The following NR2C2 variants were observed in gnomAD, a reference collection of about 807,000 sequenced individuals.
NR2C2 encodes the protein Nuclear hormone receptor TR4.
In NR2C2, 6 loss-of-function variants were observed where a neutral mutation model predicts 62.9. That is an observed-to-expected ratio of 0.10 (90% CI 0.05 to 0.19). The LOEUF (loss-of-function observed/expected upper bound fraction) is 0.19. NR2C2 is among the 10% of genes least tolerant of loss of function. The probability of loss-of-function intolerance (pLI) is 1.00; values close to 1 mark genes in which losing one functional copy is unlikely to be tolerated. For missense variants in NR2C2, 479 were observed against 762.7 expected (o/e 0.63, Z 4.38); for synonymous variants, 272 against 273.8 (o/e 0.99, Z 0.07).
chr3:15,001,758 C>G (rs979149169), intron 1 of NR2C2, among the ~76,000 whole-genome samples: 12 of 152,148 alleles, frequency 7.9e-5, no homozygotes, highest in African/African-American at 2.9e-4. Context: ...CCGGGACTTA[C>G]AGGCACGTAC....
intron 3 of NR2C2, among the ~76,000 whole-genome samples, chr3:15,015,466 G>A (rs1332067038): frequency 6.6e-6 from 1 of 152,192 alleles, no homozygotes; most frequent in Non-Finnish European, 1.5e-5. Flanking sequence ...AATTAATAAA[G>A]TTTGGTTATT....
At chr3:14,999,951 G>A (rs73145284) in intron 1 of NR2C2, among the ~76,000 whole-genome samples, 2,064 of 152,028 alleles carry the variant, frequency 0.014, 49 homozygotes, top group African/African-American at 0.047. Context: ...GTTATGATCC[G>A]TGACTACAAT....
chr3:15,027,638 G>T (rs2041860925), intron 7 of NR2C2, among the ~76,000 whole-genome samples: 1 of 152,076 alleles, frequency 6.6e-6, no homozygotes, highest in Admixed American at 6.6e-5. Flanking sequence ...CACTCTGTCT[G>T]ATAGGCTGGA....
rs889625256 is a variant in NR2C2, at chr3:15,046,394, C to T, written c.*3386C>T. On this transcript the variant is annotated 3_prime_UTR_variant, in exon 14 of 14. Coordinates refer to ENST00000425241, the MANE Select transcript of NR2C2 (RefSeq NM_001291694.2). Reference sequence around the variant, plus strand: ...ATCTCAAGGCAATATCCACGCTACACACATACTTATTAGCTGTCTTACTTG... The same window carrying T: ...ATCTCAAGGCAATATCCACGCTACATACATACTTATTAGCTGTCTTACTTG... 4 of 152,246 alleles carry T rather than the reference C, an allele frequency of 2.6e-5. No homozygotes were observed. The highest frequency in any genetic ancestry group is 7.2e-5 in the African/African-American group (3 of 41,478). The allele number at this position is 152,246 out of a possible 1,614,324, so 9.4% of individuals were successfully genotyped here.
At chr3:15,041,814 A>G (rs6809913) in intron 13 of NR2C2, among the ~76,000 whole-genome samples, 55,078 of 152,000 alleles carry the variant, frequency 0.36, 10,581 homozygotes, top group African/African-American at 0.48. Context: ...CTGTGATCAC[A>G]TCACTCCACT....
At chr3:15,003,819 C>G (rs2041089190) in intron 1 of NR2C2, 57 bp from the exon 2 acceptor site, 3 of 1,170,486 alleles carry the variant, frequency 2.6e-6, no homozygotes, top group Non-Finnish European at 3.8e-6. Context: ...GGTCTTCAGG[C>G]CACCTCTGGG....
At chr3:14,966,139 A>G (rs549727265) in intron 1 of NR2C2, among the ~76,000 whole-genome samples, 2 of 152,370 alleles carry the variant, frequency 1.3e-5, no homozygotes, top group African/African-American at 2.4e-5. Context: ...GGAATAAAGT[A>G]TCCAAATTGA....
At chr3:15,032,605 G>A in intron 10 of NR2C2, 105 bp downstream of exon 10, 2 of 1,386,840 alleles carry the variant, frequency 1.4e-6, no homozygotes. Context: ...CTGTTTCTAT[G>A]ACCTCATTCA....
chr3:15,037,136 A>C (rs1235530093), intron 11 of NR2C2, among the ~76,000 whole-genome samples: 1 of 151,568 alleles, frequency 6.6e-6, no homozygotes, highest in Non-Finnish European at 1.5e-5. Context: ...ACCCCTTACA[A>C]CATTTTATTG....
At position 14,970,366 on chromosome 3, in the gene NR2C2, G is replaced by A. The variant is rs1386676095; in HGVS notation, c.-40+22460G>A. Among the ~76,000 whole-genome samples, 3 of 152,110 alleles carry A rather than the reference G, an allele frequency of 2.0e-5. No individual in the cohort carries two copies. The East Asian group carries it at 5.8e-4, about 29-fold the overall frequency. The stretch of plus-strand genomic sequence containing the variant: ...TTTACCATTTTAACTGTTTTAAAGT[G>A]TGGAGTTCTTTGGCATTAAGTACTG... On this transcript the variant is annotated intron_variant, in intron 1 of 13. Coordinates refer to ENST00000425241, the MANE Select transcript of NR2C2 (RefSeq NM_001291694.2).
At chr3:15,039,329 G>A (rs1225848569) in intron 13 of NR2C2, 102 bp downstream of exon 13, 3 of 733,844 alleles carry the variant, frequency 4.1e-6, no homozygotes, top group Non-Finnish European at 7.2e-6. Flanking sequence ...ATTTTTAGCA[G>A]CCTGATAGAG....
At chr3:15,033,594 A>G (rs966985508) in intron 10 of NR2C2, among the ~76,000 whole-genome samples, 1 of 148,582 alleles carries the variant, frequency 6.7e-6, no homozygotes, top group Admixed American at 6.7e-5. Context: ...CTTTGGGAGA[A>G]TGGCCTACCC....
intron 13 of NR2C2, among the ~76,000 whole-genome samples, chr3:15,041,475 C>A (rs769902649): frequency 3.3e-5 from 5 of 152,084 alleles, no homozygotes; most frequent in Non-Finnish European, 7.4e-5. Context: ...AATACATTTT[C>A]CCATTTTAAA....
At chr3:14,960,886 C>T (rs188568368) in intron 1 of NR2C2, among the ~76,000 whole-genome samples, 4 of 152,136 alleles carry the variant, frequency 2.6e-5, no homozygotes, top group Non-Finnish European at 4.4e-5. Context: ...CTTAAAGACG[C>T]CTTTTCCTTC....
At chr3:14,972,936 A>C (rs1309403751) in intron 1 of NR2C2, among the ~76,000 whole-genome samples, 1 of 151,820 alleles carries the variant, frequency 6.6e-6, no homozygotes, top group Non-Finnish European at 1.5e-5. Context: ...ATTCATGAGC[A>C]CTCCATCCCC....
chr3:15,001,007 G>C (rs143316989), intron 1 of NR2C2, among the ~76,000 whole-genome samples: 2 of 151,638 alleles, frequency 1.3e-5, no homozygotes, highest in African/African-American at 4.8e-5. Flanking sequence ...GTAGAGACAG[G>C]GTTTCACTGT....
chr3:14,982,911 T>G (rs887296306), intron 1 of NR2C2, among the ~76,000 whole-genome samples: 2 of 152,224 alleles, frequency 1.3e-5, no homozygotes, highest in Non-Finnish European at 2.9e-5. Flanking sequence ...GAATAAAAGT[T>G]GTTATATTCA....
intron 11 of NR2C2, among the ~76,000 whole-genome samples, chr3:15,035,130 A>G (rs568566798): frequency 7.9e-5 from 12 of 152,254 alleles, no homozygotes; most frequent in African/African-American, 2.4e-4. Context: ...TGTCTTTACA[A>G]AAAGTACAAG....
At chr3:15,040,060 C>T (rs2042212372) in intron 13 of NR2C2, among the ~76,000 whole-genome samples, 1 of 151,772 alleles carries the variant, frequency 6.6e-6, no homozygotes, top group Non-Finnish European at 1.5e-5. Flanking sequence ...GAGGCTGAGG[C>T]AGGAGAATCT....
Sources: gnomAD v4.1 joint callset for allele counts (sites outside exome capture counted in the v4.1 genomes callset) on GRCh38, gnomAD v4.1.1 for gene constraint, MANE v1.5 for transcripts, NCBI Gene and HGNC (gene_info 2026-07-23, HGNC 2026-07-21) for gene names.